Variants in CCDC191 observed in about 807,000 individuals in gnomAD.
CCDC191 encodes the protein coiled-coil domain containing 191.
In CCDC191, 99 loss-of-function variants were observed where a neutral mutation model predicts 114.0. The observed-to-expected ratio is 0.87, with a 90% CI of 0.74 to 1.03. The LOEUF is 1.03. Ranked by LOEUF, CCDC191 falls within the 50% of genes least tolerant of loss-of-function variation. The pLI, the probability that CCDC191 is intolerant of heterozygous loss-of-function variation, is 0.00. For synonymous variants in CCDC191, 351 were observed against 376.0 expected (o/e 0.93, Z 0.77); for missense variants, 973 against 1,087.0 (o/e 0.90, Z 1.47).
chr3:113,991,041 A>C (rs2075541713), intron 13 of CCDC191, among the ~76,000 whole-genome samples: 3 of 151,518 alleles, frequency 2.0e-5, no homozygotes, highest in Non-Finnish European at 4.4e-5. Flanking sequence ...TTCAAGGCCA[A>C]CCTGGCCAAC....
At chr3:113,987,103 A>ATT (rs2075388385) in intron 13 of CCDC191, among the ~76,000 whole-genome samples, 1 of 147,154 alleles carries the variant, frequency 6.8e-6, no homozygotes, top group Non-Finnish European at 1.5e-5. Context: ...AGAAAACAAT[A>ATT]GAGTAACATC....
intron 3 of CCDC191, among the ~76,000 whole-genome samples, chr3:114,043,665 A>G (rs567189899): frequency 2.0e-5 from 3 of 152,334 alleles, no homozygotes; most frequent in East Asian, 1.9e-4. Context: ...CAGAGGTGAT[A>G]TATTTTAAGA....
intron 13 of CCDC191, among the ~76,000 whole-genome samples, chr3:113,990,518 G>A (rs987505227): frequency 6.6e-6 from 1 of 151,834 alleles, no homozygotes; most frequent in African/African-American, 2.4e-5. Flanking sequence ...ATATTGCTCA[G>A]GTGATGGGTG....
In CCDC191 at chr3:114,028,532, G is replaced by A. The variant is rs1479203426; in HGVS notation, c.972+3094C>T. On this transcript the variant is annotated intron_variant, in intron 7 of 16. Coordinates refer to ENST00000295878, the MANE Select transcript of CCDC191 (RefSeq NM_020817.2). ...GATCTCCTGACCTCGTGATCCGCCC[G>A]CTTTGGCCTCCCAAAGTGCTGGAAT... is the stretch of plus-strand genomic sequence containing the variant. 2.0e-5 allele frequency among the ~76,000 whole-genome samples: 3 copies of A among 151,860 alleles called. No individual in the cohort carries two copies. In the East Asian group the frequency reaches 5.8e-4, roughly 29 times the overall value.
chr3:113,979,210 C>T (rs2075049626), intron 14 of CCDC191, among the ~76,000 whole-genome samples, 200 bp from the exon 15 acceptor site: 2 of 152,172 alleles, frequency 1.3e-5, no homozygotes, highest in African/African-American at 4.8e-5. Context: ...CATGCATGGC[C>T]TTTCAATGCC....
chr3:114,034,913 A>C lies in CCDC191; in HGVS notation c.818+12T>G, dbSNP rs1276006455. On this transcript the variant is annotated intron_variant, in intron 6 of 16. Coordinates refer to ENST00000295878, the MANE Select transcript of CCDC191 (RefSeq NM_020817.2). ...ACAGAGAAACCCCACAGTGCTTATC[A>C]CACTGGCTTACATTTTCCATGCTGC... 1.2e-6 allele frequency: 2 copies of C among 1,610,628 alleles called. No individual in the cohort carries two copies. The highest frequency in any genetic ancestry group is 1.7e-6 in the Non-Finnish European group (2 of 1,177,494).
intron 7 of CCDC191, among the ~76,000 whole-genome samples, chr3:114,029,157 GATAAGC>G (rs1307686252): frequency 6.6e-6 from 1 of 152,038 alleles, no homozygotes; most frequent in African/African-American, 2.4e-5. Flanking sequence ...TAAAACACAA[GATAAGC>G]ATAAAGTATC....
At chr3:114,015,082 T>C (rs1477437198) in intron 8 of CCDC191, among the ~76,000 whole-genome samples, 2 of 152,138 alleles carry the variant, frequency 1.3e-5, no homozygotes, top group Non-Finnish European at 1.5e-5. Flanking sequence ...TTTTTTTCAC[T>C]GGCCTGCCAC....
At chr3:113,970,577 T>C (rs991792883) in intron 16 of CCDC191, among the ~76,000 whole-genome samples, 2 of 152,180 alleles carry the variant, frequency 1.3e-5, no homozygotes, top group Admixed American at 1.3e-4. Context: ...GATTTTTCTT[T>C]TTTATTATAC....
intron 16 of CCDC191, among the ~76,000 whole-genome samples, chr3:113,971,715 CTTCAG>C (rs1940841229): frequency 6.6e-6 from 1 of 151,950 alleles, no homozygotes; most frequent in South Asian, 2.1e-4. Flanking sequence ...ATTCCCTCCT[CTTCAG>C]TTTTTTTTTG....
At chr3:113,973,970 CT>C (rs1941074194) in intron 16 of CCDC191, among the ~76,000 whole-genome samples, 1 of 150,224 alleles carries the variant, frequency 6.7e-6, no homozygotes, top group Admixed American at 6.7e-5. Flanking sequence ...GTCTTCATTC[CT>C]TTTCTTTTTT....
At chr3:113,997,662 T>G (rs1181748851) in intron 13 of CCDC191, among the ~76,000 whole-genome samples, 3 of 152,166 alleles carry the variant, frequency 2.0e-5, no homozygotes, top group Non-Finnish European at 1.5e-5. Flanking sequence ...GCTGAAACAA[T>G]TTGAGCAACA....
chr3:114,055,825 G>T (rs930720947), intron 1 of CCDC191, among the ~76,000 whole-genome samples: 2 of 152,200 alleles, frequency 1.3e-5, no homozygotes, highest in African/African-American at 2.4e-5. Context: ...GATACGGAGA[G>T]AATCTATTTT....
At chr3:113,991,128 CAGG>C (rs1311511511) in intron 13 of CCDC191, among the ~76,000 whole-genome samples, 4 of 151,270 alleles carry the variant, frequency 2.6e-5, no homozygotes, top group African/African-American at 4.9e-5. Context: ...CCCAGCTACT[CAGG>C]AGGCCAAGGC....
intron 13 of CCDC191, among the ~76,000 whole-genome samples, chr3:113,991,193 G>A (rs1255028792): frequency 1.4e-5 from 2 of 142,362 alleles, no homozygotes; most frequent in East Asian, 4.2e-4. Flanking sequence ...CTGAGATCAC[G>A]CCACTGCACT....
In CCDC191 at chr3:113,969,166, C is replaced by T. The variant is rs542008334; in HGVS notation, c.2607-3807G>A. ...TTAAGCCATTCATTAAGCAATCCAT[C>T]TCCATGACCCAAATACCTCCCATTA... On this transcript the variant is annotated intron_variant, in intron 16 of 16. Coordinates refer to ENST00000295878, the MANE Select transcript of CCDC191 (RefSeq NM_020817.2). Among the ~76,000 whole-genome samples the T allele has an allele frequency of 7.9e-5, 12 of 152,326 alleles. No individual in the cohort carries two copies. The East Asian group carries it at 1.9e-3, about 24-fold the overall frequency.
Position 114,053,619 on chromosome 3 carries a change from T to A in CCDC191, c.107A>T (p.Asp36Val), listed in dbSNP as rs1430017851. ...KPSPKPTFGP[D>V]SVEHWIKRVE... The stretch of plus-strand genomic sequence containing the variant: ...TACCTTTATCCAGTGTTCCACACTG[T>A]CAGGACCAAAAGTAGGCTGTAGATA... Residue 36 changes from aspartate to valine, a missense_variant, in exon 2 of 17, where the codon GAC (aspartate) becomes GTC (valine). Physicochemically the swap from Asp to Val is radical, Grantham distance 152. Coordinates refer to ENST00000295878, the MANE Select transcript of CCDC191 (RefSeq NM_020817.2). 6 of 1,589,682 alleles carry A rather than the reference T, an allele frequency of 3.8e-6. No homozygotes were observed. The highest frequency in any genetic ancestry group is 5.2e-6 in the Non-Finnish European group (6 of 1,160,860).
At chr3:114,041,051 C>T (rs1204528090) in intron 4 of CCDC191, among the ~76,000 whole-genome samples, 7 of 150,336 alleles carry the variant, frequency 4.7e-5, no homozygotes, top group South Asian at 2.1e-4. Context: ...TACCAGCATA[C>T]GATGATTGAG....
chr3:113,993,111 A>G (rs2075622040), intron 13 of CCDC191, among the ~76,000 whole-genome samples: 1 of 152,174 alleles, frequency 6.6e-6, no homozygotes, highest in Non-Finnish European at 1.5e-5. Context: ...ACACCCTTGC[A>G]TGATAAAAAA....
Sources: gnomAD v4.1 joint callset for allele counts (sites outside exome capture counted in the v4.1 genomes callset) on GRCh38, gnomAD v4.1.1 for gene constraint, MANE v1.5 for transcripts, NCBI Gene and HGNC (gene_info 2026-07-23, HGNC 2026-07-21) for gene names.